PPP3CA: variants seen among roughly 807,000 people sequenced by gnomAD.
The protein encoded by PPP3CA is CAM-PRP catalytic subunit.
Under a neutral mutation model 66.5 loss-of-function variants are expected in PPP3CA, and 14 were observed. That is an observed-to-expected ratio of 0.21 (90% CI 0.14 to 0.33). The LOEUF (loss-of-function observed/expected upper bound fraction) is 0.33, where lower values mean the gene tolerates loss of function less well. Among genes scored for constraint, PPP3CA ranks in the 10% least tolerant of loss-of-function variants. PPP3CA has a pLI of 1.00. For missense variants in PPP3CA, 317 were observed against 639.5 expected, an observed-to-expected ratio of 0.50 and a Z score of 5.44; for synonymous variants, 232 against 226.2, an observed-to-expected ratio of 1.03 and a Z score of -0.23.
intron 1 of PPP3CA, among the ~76,000 whole-genome samples, chr4:101,236,530 A>C (rs902927291): frequency 1.3e-5 from 2 of 151,964 alleles, no homozygotes; most frequent in Admixed American, 1.3e-4. Context: ...CAACAAAATT[A>C]TCTCTCTCTA....
chr4:101,175,906 A>G (rs1213877443), intron 2 of PPP3CA, among the ~76,000 whole-genome samples: 1 of 152,190 alleles, frequency 6.6e-6, no homozygotes, highest in South Asian at 2.1e-4. Context: ...TTTCCACAGG[A>G]AATACAGAAT....
intron 2 of PPP3CA, among the ~76,000 whole-genome samples, chr4:101,178,691 C>CTA: frequency 6.6e-6 from 1 of 152,196 alleles, no homozygotes; most frequent in South Asian, 2.1e-4. Flanking sequence ...AAGGCCATGT[C>CTA]TATTCCCATC....
intron 1 of PPP3CA, among the ~76,000 whole-genome samples, chr4:101,301,884 TTAAAA>T (rs1374445461): frequency 6.6e-6 from 1 of 150,808 alleles, no homozygotes; most frequent in East Asian, 1.9e-4. Context: ...AATGATCTAA[TTAAAA>T]TAAAATATGC....
At chr4:101,128,101 G>A (rs1207799621) in intron 2 of PPP3CA, among the ~76,000 whole-genome samples, 2 of 152,144 alleles carry the variant, frequency 1.3e-5, no homozygotes, top group Non-Finnish European at 2.9e-5. Flanking sequence ...CTAGGCCACA[G>A]ACTTGTCCAG....
chr4:101,282,074 A>G (rs1444208126), intron 1 of PPP3CA, among the ~76,000 whole-genome samples: 1 of 152,218 alleles, frequency 6.6e-6, no homozygotes, highest in Non-Finnish European at 1.5e-5. Flanking sequence ...ATGAGAATAT[A>G]TTATCTTCGC....
chr4:101,278,122 TAAA>T (rs3077992), intron 1 of PPP3CA, among the ~76,000 whole-genome samples: 12 of 112,132 alleles, frequency 1.1e-4, no homozygotes, highest in Non-Finnish European at 9.8e-5. Flanking sequence ...AAGCTATTAG[TAAA>T]AAAAAAAAAA....
chr4:101,033,056 C>T (rs1727058191), intron 11 of PPP3CA, among the ~76,000 whole-genome samples: 1 of 151,852 alleles, frequency 6.6e-6, no homozygotes, highest in African/African-American at 2.4e-5. Context: ...TTAAGTACAT[C>T]ATTATTTTAA....
chr4:101,194,337 T>C (rs181756080), intron 2 of PPP3CA, among the ~76,000 whole-genome samples: 1 of 152,304 alleles, frequency 6.6e-6, no homozygotes, highest in East Asian at 1.9e-4. Context: ...CAAATTCAAA[T>C]ATTCATTTGA....
At chr4:101,268,661 C>T (rs1238878653) in intron 1 of PPP3CA, among the ~76,000 whole-genome samples, 1 of 152,038 alleles carries the variant, frequency 6.6e-6, no homozygotes, top group Non-Finnish European at 1.5e-5. Context: ...AGATTCGCAG[C>T]CTATAACAAT....
intron 2 of PPP3CA, among the ~76,000 whole-genome samples, chr4:101,131,983 C>T (rs1160058243): frequency 6.6e-6 from 1 of 152,186 alleles, no homozygotes; most frequent in Non-Finnish European, 1.5e-5. Flanking sequence ...GGAAACTGAA[C>T]AACCTGCTCC....
intron 1 of PPP3CA, among the ~76,000 whole-genome samples, chr4:101,328,040 T>C (rs1366284440): frequency 6.6e-6 from 1 of 152,040 alleles, no homozygotes; most frequent in Admixed American, 6.6e-5. Flanking sequence ...AGGAAGAAAT[T>C]TTCCCACATG....
intron 2 of PPP3CA, among the ~76,000 whole-genome samples, chr4:101,168,313 C>A (rs558490171): frequency 1.3e-5 from 2 of 152,138 alleles, no homozygotes; most frequent in African/African-American, 4.8e-5. Context: ...GAAGGAAGGT[C>A]AGAAGTGTGG....
intron 13 of PPP3CA, among the ~76,000 whole-genome samples, chr4:101,028,785 T>A (rs1726785681): frequency 6.6e-6 from 1 of 152,160 alleles, no homozygotes; most frequent in Non-Finnish European, 1.5e-5. Flanking sequence ...ATGGCTATTT[T>A]TATTCTCTTC....
chr4:101,269,624 A>G (rs55689814), intron 1 of PPP3CA, among the ~76,000 whole-genome samples: 9,360 of 150,456 alleles, frequency 0.062, 378 homozygotes, highest in Middle Eastern at 0.096. Flanking sequence ...GTATCCCCAG[A>G]ACCTGGAAAA....
At chr4:101,229,943 G>T (rs756297479) in intron 1 of PPP3CA, among the ~76,000 whole-genome samples, 3 of 151,578 alleles carry the variant, frequency 2.0e-5, no homozygotes, top group Admixed American at 6.6e-5. Context: ...AAGAGAGAGA[G>T]ATATTAAAAA....
At chr4:101,275,733 C>A (rs1481145768) in intron 1 of PPP3CA, among the ~76,000 whole-genome samples, 2 of 152,084 alleles carry the variant, frequency 1.3e-5, no homozygotes, top group Admixed American at 6.6e-5. Flanking sequence ...CTACCTATTC[C>A]TCTATTTAAC....
intron 2 of PPP3CA, among the ~76,000 whole-genome samples, chr4:101,166,702 T>C (rs1204882057): frequency 6.6e-6 from 1 of 152,204 alleles, no homozygotes; most frequent in East Asian, 1.9e-4. Context: ...ATTTGAAAAG[T>C]ATTTAGTTCA....
Position 101,196,214 on chromosome 4 carries a change from A to T in PPP3CA, c.59-98T>A. The T allele has an allele frequency of 2.7e-6, 3 of 1,094,840 alleles. No individual in the cohort carries two copies. In the South Asian group the frequency reaches 4.9e-5, roughly 18 times the overall value. 67.8% of individuals were successfully genotyped at this position (1,094,840 alleles called of 1,614,324 possible). ...TATCCATCCTCATCACAAACCAACT[A>T]ATATAATATTTTTAGAGTGGCTGAA... On this transcript the variant is annotated intron_variant, in intron 1 of 13. Coordinates refer to ENST00000394854, the MANE Select transcript of PPP3CA (RefSeq NM_000944.5).
intron 1 of PPP3CA, among the ~76,000 whole-genome samples, chr4:101,220,504 G>A (rs184828808): frequency 2.4e-4 from 36 of 151,766 alleles, no homozygotes; most frequent in African/African-American, 8.4e-4. Context: ...CTCAGCTAGA[G>A]ATAAATGGAT....
Sources: allele counts gnomAD v4.1 joint callset (sites outside exome capture counted in the v4.1 genomes callset), GRCh38; gene constraint gnomAD v4.1.1; transcripts MANE v1.5; gene names NCBI Gene and HGNC (gene_info 2026-07-23, HGNC 2026-07-21).